Variants in PPFIA3 observed in about 807,000 individuals in gnomAD.
PPFIA3 encodes PPFI scaffold protein A3.
In PPFIA3, 26 loss-of-function variants were observed where a neutral mutation model predicts 145.8. The observed-to-expected ratio is 0.18, with a 90% confidence interval of 0.13 to 0.25. The LOEUF (loss-of-function observed/expected upper bound fraction) is 0.25, where lower values mean the gene tolerates loss of function less well. PPFIA3 is among the 10% of genes least tolerant of loss of function. The pLI is 1.00. For synonymous variants in PPFIA3, 645 were observed against 661.4 expected, an observed-to-expected ratio of 0.98 and a Z score of 0.38; for missense variants, 1,008 against 1,587.8, an observed-to-expected ratio of 0.63 and a Z score of 6.21.
chr19:49,141,614 G>T (rs2041224544), intron 19 of PPFIA3, 101 bp downstream of exon 19: 1 of 942,370 alleles, frequency 1.1e-6, no homozygotes, highest in Non-Finnish European at 1.6e-6. Flanking sequence ...GTGTGTGTGT[G>T]TGAGAGGGTG....
In PPFIA3 at chr19:49,149,942, C is replaced by T. The variant is rs2041326015; in HGVS notation, c.3527-138C>T. 8.4e-7 allele frequency: 1 copy of T among 1,195,966 alleles called. No homozygotes were observed. Among genetic ancestry groups the T allele is most frequent in the South Asian group, 1.5e-5 (1 of 68,098 alleles). 74.1% of individuals were successfully genotyped at this position (1,195,966 alleles called of 1,614,324 possible). A position where few individuals can be genotyped will look rare whatever the true frequency, so the allele number is the denominator to read the frequency against. ...GCCCAATGCGAGTTTGAGTCCTTGG[C>T]TGCGGGGAAGGGAGGGAAACCCATG... On this transcript the variant is annotated intron_variant, in intron 28 of 29. Coordinates refer to ENST00000334186, the MANE Select transcript of PPFIA3 (RefSeq NM_003660.4). This position sits in a 1 kb window ranked among gnomAD's most constrained non-coding sequence, Gnocchi z 5.7.
chr19:49,133,955 C>T lies in PPFIA3; in HGVS notation c.1245+76C>T. 1 of 1,605,348 alleles carries T rather than the reference C, an allele frequency of 6.2e-7. No individual in the cohort carries two copies. Among genetic ancestry groups the T allele is most frequent in the Non-Finnish European group, 8.5e-7 (1 of 1,175,488 alleles). On this transcript the variant is annotated intron_variant, in intron 10 of 29. Transcript: ENST00000334186. This position sits in a 1 kb window ranked among gnomAD's most constrained non-coding sequence, Gnocchi z 7.2. ...AGCTTAATAAGGAGGCTGGGCTGGG[C>T]CCGGGGGTGGGGCTTAGAGGAAGGG...
At chr19:49,129,069 G>A (rs1014304768) in intron 4 of PPFIA3, 57 bp downstream of exon 4, 27 of 1,499,898 alleles carry the variant, frequency 1.8e-5, no homozygotes, top group Non-Finnish European at 2.4e-5. Flanking sequence ...GACTGGGGCT[G>A]TTCTGAGTGG....
chr19:49,146,141 T>G (rs1398899619), intron 22 of PPFIA3, 25 bp from the exon 23 acceptor site: 1 of 1,613,794 alleles, frequency 6.2e-7, no homozygotes, highest in Non-Finnish European at 8.5e-7. Context: ...ACCCCTTCTC[T>G]CCCCTCTTCC....
rs778814518 is a variant in PPFIA3 at position 49,142,120 on chromosome 19, T to C, written c.2544+5T>C. Reference sequence around the variant, plus strand: ...ACCGTGGTGTCCTGGCTGGAGGTACTGGGGCCCAGAAATGCCCTGACTGTT... The same window carrying C: ...ACCGTGGTGTCCTGGCTGGAGGTACCGGGGCCCAGAAATGCCCTGACTGTT... On this transcript the variant is annotated splice_donor_5th_base_variant and intron_variant, in intron 20 of 29. Transcript: ENST00000334186. 3 of 1,565,778 alleles carry C rather than the reference T, an allele frequency of 1.9e-6. No homozygotes were observed. Among genetic ancestry groups the C allele is most frequent in the South Asian group, 1.2e-5 (1 of 84,992 alleles).
Position 49,137,628 on chromosome 19 carries a change from C to CAAAAAAAAAAAAAAAA in PPFIA3, c.1854-562_1854-547dup, listed in dbSNP as rs3032695. On this transcript the variant is annotated intron_variant, in intron 15 of 29. Transcript: ENST00000334186. ...TGGGCTACAGAGCGAGACTCCGTGT[C>CAAAAAAAAAAAAAAAA]AAAAAAAAAAAAAAAAAAAAAAAAA... is the stretch of plus-strand genomic sequence containing the variant. Among the ~76,000 whole-genome samples, 226 of 43,782 alleles carry CAAAAAAAAAAAAAAAA rather than the reference C, an allele frequency of 5.2e-3. 29 individuals are homozygous for CAAAAAAAAAAAAAAAA. The highest frequency in any genetic ancestry group is 7.0e-3 in the Non-Finnish European group (170 of 24,150). 28.7% of individuals were successfully genotyped at this position (43,782 alleles called of 152,430 possible).
chr19:49,146,052 T>G (rs2041276475), intron 22 of PPFIA3, 47 bp downstream of exon 22: 16 of 1,586,198 alleles, frequency 1.0e-5, no homozygotes, highest in African/African-American at 1.4e-5. Flanking sequence ...TAACCTTCTT[T>G]GGGGGTGGGG....
At chr19:49,148,531 G>A in intron 24 of PPFIA3, 135 bp from the exon 25 acceptor site, 1 of 787,596 alleles carries the variant, frequency 1.3e-6, no homozygotes, top group Non-Finnish European at 2.1e-6. Context: ...CCTCCTGAGG[G>A]GGTCAACAGT....
At position 49,148,994 on chromosome 19, in the gene PPFIA3, C is replaced by T. The variant is rs1362382569; in HGVS notation, c.3111C>T (p.Asp1037=). The part of the protein sequence containing the change: ...RREESQTQIR[D]VMVWSNERVM... ...GCTGAGGGTCCCTTCCGTCCCCAGACGTGATGGTGTGGTCCAATGAGCGGG... is the reference window on the plus strand; with the variant it reads ...GCTGAGGGTCCCTTCCGTCCCCAGATGTGATGGTGTGGTCCAATGAGCGGG... Residue 1037 remains aspartate, a splice_region_variant and synonymous_variant, in exon 26 of 30, where the codon GAC becomes GAT. Transcript: ENST00000334186. The T allele has an allele frequency of 3.1e-6, 5 of 1,613,280 alleles. No individual in the cohort carries two copies. In the East Asian group the frequency reaches 6.7e-5, roughly 22 times the overall value.
In PPFIA3 at chr19:49,148,978, C is replaced by G; in HGVS notation, c.3110-15C>G. ...CCACGGGAGGGGCACGGCTGAGGGT[C>G]CCTTCCGTCCCCAGACGTGATGGTG... On this transcript the variant is annotated splice_polypyrimidine_tract_variant and intron_variant, in intron 25 of 29. Transcript: ENST00000334186. The G allele has an allele frequency of 1.2e-6, 2 of 1,611,666 alleles. No individual in the cohort carries two copies. Among genetic ancestry groups the G allele is most frequent in the Non-Finnish European group, 1.7e-6 (2 of 1,178,636 alleles).
intron 21 of PPFIA3, among the ~76,000 whole-genome samples, chr19:49,143,664 C>G (rs1411990387): frequency 6.6e-6 from 1 of 152,140 alleles, no homozygotes; most frequent in African/African-American, 2.4e-5. Flanking sequence ...TGAGCCCCTA[C>G]GCCTGGCCCT....
At chr19:49,146,062 G>A (rs1481408712) in intron 22 of PPFIA3, 57 bp downstream of exon 22, 35 of 1,606,940 alleles carry the variant, frequency 2.2e-5, no homozygotes, top group Non-Finnish European at 2.9e-5. Flanking sequence ...TGGGGGTGGG[G>A]GCGGGGACCG....
chr19:49,130,023 C>A lies in PPFIA3; in HGVS notation c.613C>A (p.Arg205=). 1 of 1,613,558 alleles carries A rather than the reference C, an allele frequency of 6.2e-7. No homozygotes were observed. The highest frequency in any genetic ancestry group is 8.5e-7 in the Non-Finnish European group (1 of 1,179,836). The change falls in exon 6 of 30, where the codon CGG becomes AGG. Residue 205 remains arginine, a synonymous_variant. Coordinates refer to ENST00000334186, the MANE Select transcript of PPFIA3 (RefSeq NM_003660.4). This position sits in a 1 kb window ranked among gnomAD's most constrained non-coding sequence, Gnocchi z 4.5. ...TLNLREQLSR[R]RSGLEEPGKD... ...GAACCTTCGAGAACAGCTGTCTAGG[C>A]GGCGGTCAGGGCTGGAAGAGCCGGG... is the stretch of plus-strand genomic sequence containing the variant.
At chr19:49,135,230 C>T (rs573708037) in intron 13 of PPFIA3, among the ~76,000 whole-genome samples, 23 of 152,050 alleles carry the variant, frequency 1.5e-4, no homozygotes, top group African/African-American at 4.8e-4. Flanking sequence ...TTAGTAGACA[C>T]GGGGTTTTGC....
chr19:49,143,385 T>C (rs1320090932), intron 21 of PPFIA3, among the ~76,000 whole-genome samples: 2 of 152,220 alleles, frequency 1.3e-5, no homozygotes, highest in African/African-American at 4.8e-5. Flanking sequence ...TTTCCTTTTT[T>C]TTTGGAGACA....
intron 14 of PPFIA3, among the ~76,000 whole-genome samples, chr19:49,136,160 G>A (rs923244142): frequency 6.6e-6 from 1 of 152,174 alleles, no homozygotes; most frequent in African/African-American, 2.4e-5. Flanking sequence ...AGGGAGGGGT[G>A]TGTAGAATCC....
Position 49,131,902 on chromosome 19 carries a change from C to T in PPFIA3, c.880-1099C>T, listed in dbSNP as rs924178340. Among the ~76,000 whole-genome samples, 12 of 149,502 alleles carry T rather than the reference C, an allele frequency of 8.0e-5. No homozygotes were observed. In the South Asian group the frequency reaches 8.5e-4, roughly 11 times the overall value. ...TCGGGCGCCCGTAGTCCCAGCTACT[C>T]GGGAGGCTGAGGCAGGAGAATGGCG... On this transcript the variant is annotated intron_variant, in intron 7 of 29. Transcript: ENST00000334186.
chr19:49,127,075 C>A, intron 1 of PPFIA3, among the ~76,000 whole-genome samples: 1 of 98,822 alleles, frequency 1.0e-5, no homozygotes. Context: ...GAGACCTCAT[C>A]TCCACAAAAA....
rs34793375 is a variant in PPFIA3, at chr19:49,132,009, CAA to C, written c.880-972_880-971del. Reference sequence around the variant, plus strand: ...CGGGCAACAGAGCGAGACTCCGTCTCAAAAAAAAAAAAAAAAAAAAAGTTGAG... The same window carrying C: ...CGGGCAACAGAGCGAGACTCCGTCTCAAAAAAAAAAAAAAAAAAAGTTGAG... On this transcript the variant is annotated intron_variant, in intron 7 of 29. Coordinates refer to ENST00000334186, the MANE Select transcript of PPFIA3 (RefSeq NM_003660.4). 3.4e-3 allele frequency among the ~76,000 whole-genome samples: 237 copies of C among 69,878 alleles called. 2 individuals are homozygous for C. The highest frequency in any genetic ancestry group is 9.3e-3 in the Middle Eastern group (1 of 108). The allele number at this position is 69,878 out of a possible 152,430, so 45.8% of individuals were successfully genotyped here.
Sources: gnomAD v4.1 joint callset for allele counts (sites outside exome capture counted in the v4.1 genomes callset) on GRCh38, gnomAD v4.1.1 for gene constraint, Gnocchi (gnomAD v3.1) non-coding constraint, MANE v1.5 for transcripts, NCBI Gene and HGNC (gene_info 2026-07-23, HGNC 2026-07-21) for gene names.